The following POFUT3 variants were observed in gnomAD, a reference collection of about 807,000 sequenced individuals.
The protein encoded by POFUT3 is protein O-fucosyltransferase 3.
chr8:33,308,966 G>A, the POFUT3 span, among the ~76,000 whole-genome samples: 1 of 150,668 alleles, frequency 6.6e-6, no homozygotes, highest in Non-Finnish European at 1.5e-5. Context: ...TTCCCAGTCT[G>A]GTGGCGAATC....
chr8:33,389,298 A>C, the POFUT3 span: 1 of 1,614,152 alleles, frequency 6.2e-7, no homozygotes, highest in Non-Finnish European at 8.5e-7. Flanking sequence ...GGCCTCCAGA[A>C]CTTCTCAGTG....
the POFUT3 span, among the ~76,000 whole-genome samples, chr8:33,313,413 C>T: frequency 1.8e-4 from 28 of 152,100 alleles, no homozygotes; most frequent in African/African-American, 5.3e-4. Flanking sequence ...GCTTCTTTTC[C>T]GATCCTAACC....
At chr8:33,435,752 G>A in the POFUT3 span, among the ~76,000 whole-genome samples, 1 of 147,136 alleles carries the variant, frequency 6.8e-6, no homozygotes, top group African/African-American at 2.5e-5. Context: ...CTGACCTCAG[G>A]TGATCTACCC....
the POFUT3 span, among the ~76,000 whole-genome samples, chr8:33,471,493 G>A: frequency 6.6e-5 from 10 of 151,988 alleles, no homozygotes; most frequent in Non-Finnish European, 1.3e-4. Context: ...CTCGTGATCC[G>A]CCCGCCTCGG....
chr8:33,321,837 C>G, the POFUT3 span, among the ~76,000 whole-genome samples: 3 of 152,098 alleles, frequency 2.0e-5, no homozygotes, highest in Non-Finnish European at 4.4e-5. Flanking sequence ...CTCGGGGCAG[C>G]TTTCCTTGAT....
At chr8:33,428,425 T>A in the POFUT3 span, among the ~76,000 whole-genome samples, 1 of 152,234 alleles carries the variant, frequency 6.6e-6, no homozygotes, top group African/African-American at 2.4e-5. Flanking sequence ...AAGACCTTAT[T>A]ATCAATGTCA....
the POFUT3 span, chr8:33,389,879 C>T: frequency 1.0e-6 from 1 of 956,312 alleles, no homozygotes; most frequent in Non-Finnish European, 1.6e-6. Flanking sequence ...GATTAGAATA[C>T]AGAGGAGTCT....
chr8:33,356,519 G>T, the POFUT3 span, among the ~76,000 whole-genome samples: 3 of 148,690 alleles, frequency 2.0e-5, no homozygotes, highest in African/African-American at 7.4e-5. Context: ...TGATGGGGTT[G>T]TTTTTTTTTT....
the POFUT3 span, among the ~76,000 whole-genome samples, chr8:33,347,203 A>C: frequency 6.6e-6 from 1 of 152,016 alleles, no homozygotes; most frequent in African/African-American, 2.4e-5. Flanking sequence ...CGCAATCAAC[A>C]CTCTGAGCTG....
At chr8:33,461,266 C>T in the POFUT3 span, 1 of 1,245,886 alleles carries the variant, frequency 8.0e-7, no homozygotes, top group Non-Finnish European at 1.1e-6. Flanking sequence ...CCTGAACACC[C>T]CTGATTCAGC....
chr8:33,388,275 C>T, the POFUT3 span, among the ~76,000 whole-genome samples: 5 of 150,550 alleles, frequency 3.3e-5, no homozygotes, highest in Non-Finnish European at 7.4e-5. Flanking sequence ...CATACTCCTT[C>T]GCCACGGCAT....
At chr8:33,414,425 C>A in the POFUT3 span, among the ~76,000 whole-genome samples, 1 of 152,176 alleles carries the variant, frequency 6.6e-6, no homozygotes, top group Non-Finnish European at 1.5e-5. Flanking sequence ...CCCCCTCACC[C>A]TTCTCTGCCC....
the POFUT3 span, among the ~76,000 whole-genome samples, chr8:33,406,805 T>A: frequency 1.3e-5 from 2 of 152,014 alleles, no homozygotes; most frequent in African/African-American, 4.8e-5. Flanking sequence ...GTTCAAGCAA[T>A]CCTCCCATCT....
At chr8:33,409,862 G>A in the POFUT3 span, among the ~76,000 whole-genome samples, 3 of 152,150 alleles carry the variant, frequency 2.0e-5, no homozygotes, top group African/African-American at 7.2e-5. Flanking sequence ...CGGAGATTGC[G>A]CCACTGCGCT....
At chr8:33,353,166 A>C in the POFUT3 span, among the ~76,000 whole-genome samples, 1 of 152,232 alleles carries the variant, frequency 6.6e-6, no homozygotes, top group African/African-American at 2.4e-5. Context: ...TGAATGGTGC[A>C]ATACTTGATA....
chr8:33,332,623 A>G, the POFUT3 span, among the ~76,000 whole-genome samples: 1 of 152,210 alleles, frequency 6.6e-6, no homozygotes, highest in East Asian at 1.9e-4. Context: ...GAGAAATAGA[A>G]GCACACATTT....
chr8:33,470,743 A>G, the POFUT3 span, among the ~76,000 whole-genome samples: 1 of 152,222 alleles, frequency 6.6e-6, no homozygotes, highest in African/African-American at 2.4e-5. Flanking sequence ...TTATATATTC[A>G]TGAATGAGGA....
chr8:33,416,135 A>C, the POFUT3 span, among the ~76,000 whole-genome samples: 2 of 152,244 alleles, frequency 1.3e-5, no homozygotes, highest in South Asian at 4.1e-4. Context: ...CAATATAACA[A>C]AATGTTTAAG....
chr8:33,379,887 A>AACAT, the POFUT3 span, among the ~76,000 whole-genome samples: 20 of 128,238 alleles, frequency 1.6e-4, no homozygotes, highest in Non-Finnish European at 3.0e-4. Flanking sequence ...CTATATATAT[A>AACAT]ACATACATAT....
Sources: allele counts gnomAD v4.1 joint callset (sites outside exome capture counted in the v4.1 genomes callset), GRCh38; gene constraint gnomAD v4.1.1; transcripts MANE v1.5; gene names NCBI Gene and HGNC (gene_info 2026-07-23, HGNC 2026-07-21).